The following RPS2 variants were observed in gnomAD, a reference collection of about 807,000 sequenced individuals.
RPS2 encodes the protein ribosomal protein S2.
Under a neutral mutation model 25.3 loss-of-function variants are expected in RPS2, and 8 were observed. The ratio of observed to expected loss-of-function variants is 0.32; its 90% CI spans 0.19 to 0.57. The LOEUF (loss-of-function observed/expected upper bound fraction) is 0.57, where lower values mean the gene tolerates loss of function less well. Ranked by LOEUF, RPS2 falls within the 20% of genes least tolerant of loss-of-function variation. The pLI is 0.90. For synonymous variants in RPS2, 181 were observed against 161.3 expected (o/e 1.12, Z -0.92); for missense variants, 229 against 408.1 (o/e 0.56, Z 3.78).
Position 1,964,818 on chromosome 16 carries a change from GA to G in RPS2, c.-16del, listed in dbSNP as rs1427657824. On this transcript the variant is annotated 5_prime_UTR_variant, in exon 1 of 7. Transcript: ENST00000343262. ...CCAACAGGACTCACGTGTTTTGTCGGAAAAGAAGAACGAGACCTACTGGGAA... is the reference window on the plus strand; with the variant it reads ...CCAACAGGACTCACGTGTTTTGTCGGAAAGAAGAACGAGACCTACTGGGAA... 1.9e-6 allele frequency: 1 copy of G among 537,128 alleles called. No individual in the cohort carries two copies. Among genetic ancestry groups the G allele is most frequent in the Non-Finnish European group, 3.2e-6 (1 of 309,146 alleles). 33.3% of individuals were successfully genotyped at this position (537,128 alleles called of 1,614,324 possible).
intron 4 of RPS2, 119 bp from the exon 5 acceptor site, chr16:1,963,028 G>C (rs748069553): frequency 2.0e-5 from 28 of 1,376,390 alleles, no homozygotes; most frequent in Non-Finnish European, 2.8e-5. Flanking sequence ...CCGAGGTCCT[G>C]AGGAGATCTT....
chr16:1,962,160 C>T lies in RPS2; in HGVS notation c.820G>A (p.Val274Ile), dbSNP rs753906824. ...SPYQEFTDHL[V>I]KTHTRVSVQR... ...ACGGAGACTCTGGTGTGGGTCTTGA[C>T]GAGGTGGTCAGTGAACTCCTGATAG... The change falls in exon 7 of 7, where the codon GTC becomes ATC. Residue 274 changes from valine (V) to isoleucine (I), a missense_variant. Val to Ile is a conservative substitution (Grantham distance 29). This residue lies in a region of RPS2 where 32 missense variants were observed against 29.4 expected (regional missense o/e 1.09). Coordinates refer to ENST00000343262, the MANE Select transcript of RPS2 (RefSeq NM_002952.4). 1.3e-5 allele frequency: 21 copies of T among 1,595,960 alleles called. No homozygotes were observed. The highest frequency in any genetic ancestry group is 3.5e-5 in the Admixed American group (2 of 57,864).
rs550651889 is a variant in RPS2 at position 1,963,758 on chromosome 16, CTT to C, written c.268-504_268-503del. On this transcript the variant is annotated intron_variant, in intron 3 of 6. Transcript: ENST00000343262. ...GTTTCTTCCTATTTGCCCTTTTTCTCTTGTTTGGTGAGATGTGGCTTTCCACT... is the reference window on the plus strand; with the variant it reads ...GTTTCTTCCTATTTGCCCTTTTTCTCGTTTGGTGAGATGTGGCTTTCCACT... 6.9e-4 allele frequency: 313 copies of C among 452,372 alleles called. 1 individual carries two copies. Among genetic ancestry groups the C allele is most frequent in the African/African-American group, 4.7e-3 (235 of 49,718 alleles). The allele number at this position is 452,372 out of a possible 1,614,324, so 28.0% of individuals were successfully genotyped here.
intron 3 of RPS2, chr16:1,963,759 T>G (rs2083280640): frequency 2.2e-6 from 1 of 453,280 alleles, no homozygotes; most frequent in Non-Finnish European, 4.4e-6. Flanking sequence ...CCTTTTTCTC[T>G]TGTTTGGTGA....
intron 1 of RPS2, 52 bp from the exon 2 acceptor site, chr16:1,964,680 G>A: frequency 2.2e-5 from 22 of 1,016,684 alleles, no homozygotes; most frequent in East Asian, 5.4e-5. Flanking sequence ...GCATCTGGCA[G>A]CCCCCCGCGA....
chr16:1,963,058 GA>G, intron 4 of RPS2, 90 bp downstream of exon 4: 1 of 1,372,064 alleles, frequency 7.3e-7, no homozygotes, highest in Non-Finnish European at 1.0e-6. Context: ...TCCCCGTTAC[GA>G]AAGTCACACG....
In RPS2 at chr16:1,962,964, C is replaced by T. The variant is rs1464719278; in HGVS notation, c.376-55G>A. The stretch of plus-strand genomic sequence containing the variant: ...TGGCCCTACACCCAATCACTGCCCA[C>T]CGCCCAGGGCCTGTTGCACCCCTCA... On this transcript the variant is annotated intron_variant, in intron 4 of 6. Transcript: ENST00000343262. The T allele has an allele frequency of 1.9e-6, 3 of 1,564,840 alleles. No homozygotes were observed. The African/African-American group carries it at 4.0e-5, about 21-fold the overall frequency.
At chr16:1,963,425 G>C (rs1267620268) in intron 3 of RPS2, among the ~76,000 whole-genome samples, 169 bp from the exon 4 acceptor site, 2 of 147,994 alleles carry the variant, frequency 1.4e-5, no homozygotes, top group South Asian at 2.3e-4. Flanking sequence ...ATACCAGCCT[G>C]GCCACATGGT....
rs1597036399 is a variant in RPS2, at chr16:1,962,095, A to C, written c.*3T>G. 1 of 1,548,356 alleles carries C rather than the reference A, an allele frequency of 6.5e-7. No homozygotes were observed. The highest frequency in any genetic ancestry group is 1.2e-5 in the South Asian group (1 of 85,080). ...TTCACTTTATTTTTCTTGTATAAAA[A>C]CCCTATGTTGTAGCCACAGCTGGAG... On this transcript the variant is annotated 3_prime_UTR_variant, in exon 7 of 7. Coordinates refer to ENST00000343262, the MANE Select transcript of RPS2 (RefSeq NM_002952.4).
chr16:1,964,689 G>A, intron 1 of RPS2, 61 bp from the exon 2 acceptor site: 6 of 946,470 alleles, frequency 6.3e-6, no homozygotes, highest in Non-Finnish European at 9.2e-6. Context: ...AGCCCCCCGC[G>A]AGACCCAGAC....
At chr16:1,962,702 C>T in intron 5 of RPS2, 34 bp downstream of exon 5, 2 of 1,588,936 alleles carry the variant, frequency 1.3e-6, no homozygotes, top group Admixed American at 1.8e-5. Context: ...GGGAGCCTGC[C>T]CCACGGCAGG....
chr16:1,963,046 T>C, intron 4 of RPS2, 103 bp downstream of exon 4: 1 of 1,365,036 alleles, frequency 7.3e-7, no homozygotes, highest in South Asian at 1.2e-5. Flanking sequence ...CTTTTCTCTC[T>C]CTCCCCGTTA....
At position 1,962,664 on chromosome 16, in the gene RPS2, G is replaced by C. The variant is rs934843396; in HGVS notation, c.550-8C>G. 1.3e-6 allele frequency: 2 copies of C among 1,594,206 alleles called. No homozygotes were observed. The highest frequency in any genetic ancestry group is 1.8e-5 in the Admixed American group (1 of 56,754). On this transcript the variant is annotated splice_polypyrimidine_tract_variant and splice_region_variant and intron_variant, in intron 5 of 6. Transcript: ENST00000343262. The stretch of plus-strand genomic sequence containing the variant: ...GCCGCAGCGGCCTGTCACCTGGTGA[G>C]GGAAGGAGTCAGGAGACGGGGGCCC...
intron 3 of RPS2, 158 bp downstream of exon 3, chr16:1,964,118 T>C (rs2083284835): frequency 3.2e-6 from 2 of 629,544 alleles, no homozygotes; most frequent in Non-Finnish European, 5.7e-6. Flanking sequence ...AACCTCTAAG[T>C]GGAATCCTCT....
chr16:1,964,219 C>G (rs1286230330), intron 3 of RPS2, 57 bp downstream of exon 3: 2 of 1,324,012 alleles, frequency 1.5e-6, no homozygotes, highest in African/African-American at 2.9e-5. Flanking sequence ...TCCTCCAACC[C>G]CAGCCCAAAT....
In RPS2 at chr16:1,963,170, G is replaced by A. The variant is rs202080825; in HGVS notation, c.354C>T (p.Ala118=). Residue 118 remains alanine, a synonymous_variant, in exon 4 of 7, where the codon GCC becomes GCT. Coordinates refer to ENST00000343262, the MANE Select transcript of RPS2 (RefSeq NM_002952.4). ...GTACCTTGAACCTGGTGCGCTGGCCGGCACGGGTCTGCTTCTGCACTGGCA... is the reference window on the plus strand; with the variant it reads ...GTACCTTGAACCTGGTGCGCTGGCCAGCACGGGTCTGCTTCTGCACTGGCA... ...KIMPVQKQTR[A]GQRTRFKAFV... 3.4e-5 allele frequency: 55 copies of A among 1,601,474 alleles called. No individual in the cohort carries two copies. The highest frequency in any genetic ancestry group is 4.5e-5 in the East Asian group (2 of 44,450).
In RPS2 at chr16:1,962,453, G is replaced by A. The variant is rs768775945; in HGVS notation, c.709+44C>T. The A allele has an allele frequency of 1.0e-4, 159 of 1,582,042 alleles. 1 individual carries two copies. The highest frequency in any genetic ancestry group is 4.3e-5 in the Non-Finnish European group (50 of 1,151,032). On this transcript the variant is annotated intron_variant, in intron 6 of 6. Transcript: ENST00000343262. The stretch of plus-strand genomic sequence containing the variant: ...ACACACTGGACCCGTGTGGTTAAGC[G>A]GAGCTGAGAGACCATGGCTATGCCC...
chr16:1,964,707 C>A, intron 1 of RPS2, 79 bp from the exon 2 acceptor site: 1 of 812,940 alleles, frequency 1.2e-6, no homozygotes, highest in South Asian at 1.9e-5. Flanking sequence ...GACAAGGGCT[C>A]CCGCCCAGGA....
Position 1,964,572 on chromosome 16 carries a change from C to G in RPS2, c.54G>C (p.Gly18=). ...AGGPGGPGGP[G]MGNRGGFRGG... ...CGCGGAAGCCACCGCGGTTCCCCAT[C>G]CCAGGGCCACCAGGGCCCCCGGGCC... The change falls in exon 2 of 7, where the codon GGG becomes GGC. Residue 18 remains glycine (G), a synonymous_variant. Coordinates refer to ENST00000343262, the MANE Select transcript of RPS2 (RefSeq NM_002952.4). 1 of 1,579,116 alleles carries G rather than the reference C, an allele frequency of 6.3e-7. No homozygotes were observed. The highest frequency in any genetic ancestry group is 2.3e-5 in the East Asian group (1 of 43,040).
Sources: allele counts gnomAD v4.1 joint callset (sites outside exome capture counted in the v4.1 genomes callset), GRCh38; gene constraint gnomAD v4.1.1; regional missense constraint gnomAD v4.1.1; transcripts MANE v1.5; gene names NCBI Gene and HGNC (gene_info 2026-07-23, HGNC 2026-07-21).